GPHN: variants seen among roughly 807,000 people sequenced by gnomAD.
GPHN encodes gephyrin.
In GPHN, 17 loss-of-function variants were observed where a neutral mutation model predicts 95.5. The observed-to-expected ratio is 0.18, with a 90% CI of 0.12 to 0.27. The LOEUF is 0.27. Among genes scored for constraint, GPHN ranks in the 10% least tolerant of loss-of-function variants. The pLI is 1.00. For synonymous variants in GPHN, 320 were observed against 322.5 expected, an observed-to-expected ratio of 0.99 and a Z score of 0.08; for missense variants, 660 against 978.1, an observed-to-expected ratio of 0.67 and a Z score of 4.34.
At chr14:66,739,101 C>CA (rs1335037610) in intron 2 of GPHN, among the ~76,000 whole-genome samples, 1 of 151,822 alleles carries the variant, frequency 6.6e-6, no homozygotes, top group African/African-American at 2.4e-5. Flanking sequence ...CTGAACATGA[C>CA]AGGGGCTTAA....
At chr14:66,525,289 G>A (rs985290372) in intron 1 of GPHN, among the ~76,000 whole-genome samples, 2 of 152,176 alleles carry the variant, frequency 1.3e-5, no homozygotes, top group African/African-American at 4.8e-5. Flanking sequence ...CTGCATAAAT[G>A]TCTTCTTTTG....
chr14:66,672,839 C>T (rs2066370893), intron 1 of GPHN, among the ~76,000 whole-genome samples: 1 of 151,868 alleles, frequency 6.6e-6, no homozygotes, highest in South Asian at 2.1e-4. Context: ...TATAATTGGA[C>T]CTTATTTTTT....
the GPHN span, among the ~76,000 whole-genome samples, chr14:67,709,677 C>G: frequency 0.082 from 12,500 of 152,212 alleles, 726 homozygotes; most frequent in East Asian, 0.23. Context: ...TTCAGGAATA[C>G]AGTTTATTTT....
At chr14:66,929,320 C>G (rs529730075) in intron 8 of GPHN, among the ~76,000 whole-genome samples, 1 of 152,088 alleles carries the variant, frequency 6.6e-6, no homozygotes, top group Non-Finnish European at 1.5e-5. Flanking sequence ...GCTGGAATTA[C>G]AGGCCTGAGC....
the GPHN span, among the ~76,000 whole-genome samples, chr14:67,721,738 G>GAT: frequency 4.9e-4 from 72 of 147,038 alleles, no homozygotes; most frequent in African/African-American, 1.6e-3. Context: ...AACAAGTGGG[G>GAT]ATATATATAT....
At chr14:67,290,678 G>A in the GPHN span, among the ~76,000 whole-genome samples, 14 of 151,908 alleles carry the variant, frequency 9.2e-5, no homozygotes, top group East Asian at 2.5e-3. Flanking sequence ...GAACACAGGC[G>A]TGAGCCACTG....
intron 1 of GPHN, among the ~76,000 whole-genome samples, chr14:66,673,506 C>G (rs1247367456): frequency 1.3e-5 from 2 of 152,218 alleles, no homozygotes; most frequent in Admixed American, 6.5e-5. Flanking sequence ...TTCCTCTCTT[C>G]CACGCAGTGT....
the GPHN span, chr14:67,571,317 C>G: frequency 6.1e-6 from 1 of 163,636 alleles, no homozygotes; most frequent in African/African-American, 2.4e-5. Flanking sequence ...TTTTTTCCCC[C>G]ATCTTCTCCC....
intron 1 of GPHN, among the ~76,000 whole-genome samples, chr14:66,649,784 C>T (rs2064947943): frequency 6.6e-6 from 1 of 152,178 alleles, no homozygotes; most frequent in Non-Finnish European, 1.5e-5. Context: ...TGGCAAGCTG[C>T]ATCTGACGTC....
At chr14:66,711,923 TC>T (rs2069676842) in intron 2 of GPHN, among the ~76,000 whole-genome samples, 1 of 152,250 alleles carries the variant, frequency 6.6e-6, no homozygotes, top group Non-Finnish European at 1.5e-5. Flanking sequence ...CATGAACTCA[TC>T]CTTTTTTATG....
intron 1 of GPHN, among the ~76,000 whole-genome samples, chr14:66,605,221 T>C (rs912339337): frequency 6.6e-6 from 1 of 152,112 alleles, no homozygotes; most frequent in East Asian, 1.9e-4. Flanking sequence ...TACCCAGTAA[T>C]GGGATGGCTG....
At chr14:66,641,131 A>G (rs1439038860) in intron 1 of GPHN, among the ~76,000 whole-genome samples, 1 of 152,232 alleles carries the variant, frequency 6.6e-6, no homozygotes, top group Non-Finnish European at 1.5e-5. Context: ...GATAAAGACT[A>G]AATATAGGTG....
intron 1 of GPHN, among the ~76,000 whole-genome samples, chr14:66,586,263 T>A (rs1355490634): frequency 6.6e-6 from 1 of 152,120 alleles, no homozygotes; most frequent in Non-Finnish European, 1.5e-5. Context: ...TCCATCCCTT[T>A]ATTTTGAGCC....
At chr14:67,620,122 T>C in the GPHN span, 1 of 1,476,882 alleles carries the variant, frequency 6.8e-7, no homozygotes, top group East Asian at 2.5e-5. Flanking sequence ...CCGGGCAGGA[T>C]CCTCCGCCCC....
intron 9 of GPHN, among the ~76,000 whole-genome samples, chr14:67,003,703 C>A (rs1485107418): frequency 6.6e-6 from 1 of 151,728 alleles, no homozygotes; most frequent in Non-Finnish European, 1.5e-5. Context: ...CATTAAATTT[C>A]AGTTAACTTT....
intron 2 of GPHN, among the ~76,000 whole-genome samples, chr14:66,700,871 A>G (rs28452608): frequency 0.34 from 51,952 of 151,966 alleles, 13,437 homozygotes; most frequent in African/African-American, 0.7. Context: ...GCAGTGAGCC[A>G]AGATTGCACC....
intron 12 of GPHN, among the ~76,000 whole-genome samples, chr14:67,091,123 G>A (rs2077130657): frequency 2.0e-5 from 3 of 151,948 alleles, no homozygotes; most frequent in Middle Eastern, 3.4e-3. Flanking sequence ...AAATGGTAGA[G>A]AGATTGAGCT....
At chr14:67,255,284 G>A in the GPHN span, among the ~76,000 whole-genome samples, 1 of 152,182 alleles carries the variant, frequency 6.6e-6, no homozygotes, top group South Asian at 2.1e-4. Context: ...CAAAGCAATA[G>A]CCATGTGAGT....
At chr14:67,570,627 G>T in the GPHN span, 3 of 152,526 alleles carry the variant, frequency 2.0e-5, no homozygotes, top group African/African-American at 7.2e-5. Context: ...ACTGTCTCCT[G>T]TGTGCACACA....
Sources: allele counts gnomAD v4.1 joint callset (sites outside exome capture counted in the v4.1 genomes callset), GRCh38; gene constraint gnomAD v4.1.1; transcripts MANE v1.5; gene names NCBI Gene and HGNC (gene_info 2026-07-23, HGNC 2026-07-21).